Variants in SLC9A7 observed in about 807,000 individuals in gnomAD.
The protein encoded by SLC9A7 is solute carrier family 9 member A7.
Under a neutral mutation model 52.6 loss-of-function variants are expected in SLC9A7, and 19 were observed. The ratio of observed to expected loss-of-function variants is 0.36; its 90% CI spans 0.25 to 0.53. SLC9A7 has a LOEUF of 0.53. Among genes scored for constraint, SLC9A7 ranks in the 20% least tolerant of loss-of-function variants. The pLI, the probability that SLC9A7 is intolerant of heterozygous loss-of-function variation, is 0.91. For missense variants in SLC9A7, 455 were observed against 597.9 expected (o/e 0.76, Z 2.49); for synonymous variants, 226 against 252.1 (o/e 0.90, Z 0.98).
chrX:46,646,621 C>T, intron 11 of SLC9A7: 2 of 257,444 alleles, frequency 7.8e-6, no homozygotes, highest in South Asian at 5.3e-5. Context: ...CCTGGGCAGC[C>T]ACAGCTTCCA....
chrX:46,729,216 G>A (rs147088744), intron 1 of SLC9A7, among the ~76,000 whole-genome samples: 4,441 of 112,049 alleles, frequency 0.04, 96 homozygotes, highest in Non-Finnish European at 0.062. Context: ...TGAATGAAGA[G>A]TGCAATAATT....
Position 46,651,397 on chromosome X carries a change from T to C in SLC9A7, c.1155A>G (p.Val385=), listed in dbSNP as rs145505418. 3.2e-3 allele frequency: 3,806 copies of C among 1,188,366 alleles called. 10 individuals are homozygous for C. Among genetic ancestry groups the C allele is most frequent in the Middle Eastern group, 8.0e-3 (27 of 3,369 alleles). Residue 385 remains valine (V), a synonymous_variant, in exon 9 of 17, where the codon GTA becomes GTG. Transcript: ENST00000616978. ...GTGTGATTCCACAGAAAAGGACAGC[T>C]ACAACACCTGTTAAAACATCCCCCC... ...LAEACGFTGV[V]AVLFCGITQA...
chrX:46,730,515 CTGGACAGAGTGGTG>C (rs1945011179), intron 1 of SLC9A7, among the ~76,000 whole-genome samples: 1 of 103,798 alleles, frequency 9.6e-6, no homozygotes, highest in Admixed American at 1.1e-4. Context: ...ACAAAATTAG[CTGGACAGAGTGGTG>C]CATGCCTGTA....
At chrX:46,739,321 G>A (rs1409536983) in intron 1 of SLC9A7, among the ~76,000 whole-genome samples, 1 of 111,315 alleles carries the variant, frequency 9.0e-6, no homozygotes, top group Non-Finnish European at 1.9e-5. Flanking sequence ...TGTAGGTATT[G>A]GATATACTAC....
chrX:46,733,246 C>T (rs894709400), intron 1 of SLC9A7, among the ~76,000 whole-genome samples: 1 of 111,375 alleles, frequency 9.0e-6, no homozygotes, highest in Non-Finnish European at 1.9e-5. Flanking sequence ...CAAAAATAGG[C>T]AAGACTAAAC....
In SLC9A7 at chrX:46,682,427, T is replaced by C; in HGVS notation, c.434A>G (p.Asn145Ser). The C allele has an allele frequency of 1.7e-6, 2 of 1,211,292 alleles. No homozygotes were observed. The highest frequency in any genetic ancestry group is 2.2e-6 in the Non-Finnish European group (2 of 895,214). The change falls in exon 2 of 17, where the codon AAT becomes AGT. Residue 145 changes from asparagine to serine, a missense_variant. Asn to Ser is a conservative substitution (Grantham distance 46, BLOSUM62 1). Around this residue, in one of 3 missense-constraint regions of SLC9A7, gnomAD observed 304 missense variants for 417.8 expected, o/e 0.73. Coordinates refer to ENST00000616978, the MANE Select transcript of SLC9A7 (RefSeq NM_001257291.2). ...GTATTCGAAGAACTTTCCGCTGACA[T>C]TCACTAATAAGGTACTGAAGGCCCT... Reference protein sequence around the residue: ...EDRAFSTLLVNVSGKFFEYTL... With the variant: ...EDRAFSTLLVSVSGKFFEYTL...
chrX:46,603,788 G>A lies in SLC9A7; in HGVS notation c.*3164C>T, dbSNP rs5906242. The stretch of plus-strand genomic sequence containing the variant: ...CAGGAGGTGGAGATTGCAGTGAGCC[G>A]AGGTCATGCCACTGCACTCCAGCCT... On this transcript the variant is annotated 3_prime_UTR_variant, in exon 17 of 17. Coordinates refer to ENST00000616978, the MANE Select transcript of SLC9A7 (RefSeq NM_001257291.2). The A allele has an allele frequency of 0.22, 24,801 of 110,907 alleles. 2,502 individuals carry two copies. Among genetic ancestry groups the A allele is most frequent in the Middle Eastern group, 0.36 (78 of 214 alleles). The allele number at this position is 110,907 out of a possible 1,213,427, so 9.1% of individuals were successfully genotyped here. A position where few individuals can be genotyped will look rare whatever the true frequency, so the allele number is the denominator to read the frequency against.
chrX:46,709,199 T>C (rs746252597), intron 1 of SLC9A7, among the ~76,000 whole-genome samples: 1 of 110,076 alleles, frequency 9.1e-6, no homozygotes, highest in Middle Eastern at 4.7e-3. Flanking sequence ...AGCCCAGGAG[T>C]TCGAGACCGG....
At chrX:46,686,088 C>T (rs1326402096) in intron 1 of SLC9A7, among the ~76,000 whole-genome samples, 2 of 112,121 alleles carry the variant, frequency 1.8e-5, no homozygotes, top group Non-Finnish European at 3.8e-5. Context: ...AACTCTCTTC[C>T]AGTAATCATC....
chrX:46,669,051 C>T (rs1943973673), intron 5 of SLC9A7, among the ~76,000 whole-genome samples: 1 of 108,332 alleles, frequency 9.2e-6, no homozygotes, highest in African/African-American at 3.4e-5. Context: ...GCCTGTAGTC[C>T]CAGCTACTCA....
In SLC9A7 at chrX:46,710,512, C is replaced by G. The variant is rs923822881; in HGVS notation, c.326-27977G>C. On this transcript the variant is annotated intron_variant, in intron 1 of 16. Coordinates refer to ENST00000616978, the MANE Select transcript of SLC9A7 (RefSeq NM_001257291.2). ...TGAGCTGTTTGTATGCCCTTAAGAG[C>G]CTGGGAATCCCCAAACTGCAATGTG... Among the ~76,000 whole-genome samples, 6 of 110,958 alleles carry G rather than the reference C, an allele frequency of 5.4e-5. No homozygotes were observed. In the South Asian group the frequency reaches 2.3e-3, roughly 42 times the overall value.
chrX:46,659,716 A>G (rs1479921227), intron 7 of SLC9A7, among the ~76,000 whole-genome samples: 3 of 63,203 alleles, frequency 4.7e-5, no homozygotes, highest in South Asian at 1.0e-3. Context: ...GCTCAAGGAA[A>G]TAAAAGAGGA....
intron 13 of SLC9A7, among the ~76,000 whole-genome samples, chrX:46,631,872 T>TCA (rs1245804140): frequency 9.0e-6 from 1 of 111,670 alleles, no homozygotes; most frequent in African/African-American, 3.3e-5. Flanking sequence ...TCCCATGTGC[T>TCA]CACACTCTAA....
At chrX:46,745,741 A>G (rs1345059638) in intron 1 of SLC9A7, among the ~76,000 whole-genome samples, 1 of 109,728 alleles carries the variant, frequency 9.1e-6, no homozygotes, top group African/African-American at 3.3e-5. Flanking sequence ...TCTACTTGGG[A>G]AACTGAGGCA....
At chrX:46,750,742 A>G (rs997727627) in intron 1 of SLC9A7, among the ~76,000 whole-genome samples, 4 of 112,315 alleles carry the variant, frequency 3.6e-5, no homozygotes, top group African/African-American at 9.7e-5. Context: ...TGCTCAATAA[A>G]CAGTTACTAT....
chrX:46,618,009 T>C (rs1383809103), intron 15 of SLC9A7, among the ~76,000 whole-genome samples: 1 of 110,820 alleles, frequency 9.0e-6, no homozygotes, highest in Non-Finnish European at 1.9e-5. Flanking sequence ...GACAAAACCA[T>C]CTGCTTGAAG....
At chrX:46,674,633 C>T (rs191748612) in intron 3 of SLC9A7, among the ~76,000 whole-genome samples, 32 of 111,674 alleles carry the variant, frequency 2.9e-4, no homozygotes, top group Non-Finnish European at 5.5e-4. Context: ...GCTCTCACTG[C>T]GCAAGCTGCC....
chrX:46,734,676 A>G (rs1945093995), intron 1 of SLC9A7, among the ~76,000 whole-genome samples: 1 of 111,640 alleles, frequency 9.0e-6, no homozygotes, highest in Non-Finnish European at 1.9e-5. Context: ...AGAAATGGCC[A>G]AACTGGCCAC....
chrX:46,632,856 C>A (rs957454299), intron 13 of SLC9A7, among the ~76,000 whole-genome samples: 5 of 111,613 alleles, frequency 4.5e-5, no homozygotes, highest in African/African-American at 1.6e-4. Flanking sequence ...AGAACTCACA[C>A]ATTTGAGAGC....
Sources: gnomAD v4.1 joint callset for allele counts (sites outside exome capture counted in the v4.1 genomes callset) on GRCh38, gnomAD v4.1.1 for gene constraint, gnomAD v4.1.1 regional missense constraint, MANE v1.5 for transcripts, NCBI Gene and HGNC (gene_info 2026-07-23, HGNC 2026-07-21) for gene names.